ST18: variants seen among roughly 807,000 people sequenced by gnomAD.
The protein encoded by ST18 is ST18 C2H2C-type zinc finger transcription factor.
In ST18, 50 loss-of-function variants were observed where a neutral mutation model predicts 110.0. That is an observed-to-expected ratio of 0.45 (90% CI 0.36 to 0.58). The LOEUF is 0.58. Ranked by LOEUF, ST18 falls within the 20% of genes least tolerant of loss-of-function variation. The pLI, the probability that ST18 is intolerant of heterozygous loss-of-function variation, is 0.00. For missense variants in ST18, 1,306 were observed against 1,280.1 expected, an observed-to-expected ratio of 1.02 and a Z score of -0.31; for synonymous variants, 461 against 452.4, an observed-to-expected ratio of 1.02 and a Z score of -0.24.
intron 2 of ST18, among the ~76,000 whole-genome samples, chr8:52,380,554 C>G (rs1834133639): frequency 6.6e-6 from 1 of 152,106 alleles, no homozygotes; most frequent in African/African-American, 2.4e-5. Flanking sequence ...TCTGTCTCCT[C>G]TCCCTAGCAC....
chr8:52,119,695 C>A (rs1169016469), intron 23 of ST18, among the ~76,000 whole-genome samples: 1 of 152,066 alleles, frequency 6.6e-6, no homozygotes, highest in Non-Finnish European at 1.5e-5. Flanking sequence ...GAAAGGAAAC[C>A]ACATGCCCAC....
At chr8:52,274,999 C>T (rs765842906) in intron 2 of ST18, among the ~76,000 whole-genome samples, 1 of 152,152 alleles carries the variant, frequency 6.6e-6, no homozygotes, top group African/African-American at 2.4e-5. Flanking sequence ...AGCTTTGTGA[C>T]ATTTTAATTC....
At chr8:52,123,669 T>C (rs1032100284) in intron 23 of ST18, among the ~76,000 whole-genome samples, 5 of 152,258 alleles carry the variant, frequency 3.3e-5, no homozygotes, top group African/African-American at 1.2e-4. Context: ...AGCTCGCTGC[T>C]GCTCTATATT....
At chr8:52,379,409 T>C (rs1313089012) in intron 2 of ST18, among the ~76,000 whole-genome samples, 1 of 152,144 alleles carries the variant, frequency 6.6e-6, no homozygotes, top group African/African-American at 2.4e-5. Context: ...ATAAAATCTA[T>C]TTCTAAGACT....
chr8:52,313,647 GC>G (rs771376223), intron 2 of ST18: 6 of 152,462 alleles, frequency 3.9e-5, no homozygotes, highest in Non-Finnish European at 5.9e-5. Flanking sequence ...ATACAGTGCA[GC>G]CACCCTTGCC....
Position 52,387,551 on chromosome 8 carries a change from G to A in ST18, c.-465+21777C>T, listed in dbSNP as rs558123097. On this transcript the variant is annotated intron_variant, in intron 2 of 25. Coordinates refer to ENST00000689386, the MANE Select transcript of ST18 (RefSeq NM_001352837.2). ...AGACAGTGCTGTTTTTTATAGGTCAGGCTTATTTTGTGGAGAAGATTGCTT... is the reference window on the plus strand; with the variant it reads ...AGACAGTGCTGTTTTTTATAGGTCAAGCTTATTTTGTGGAGAAGATTGCTT... 5.7e-4 allele frequency among the ~76,000 whole-genome samples: 86 copies of A among 152,022 alleles called. 1 individual carries two copies. Among genetic ancestry groups the A allele is most frequent in the African/African-American group, 2.0e-3 (84 of 41,442 alleles).
chr8:52,207,798 A>G (rs551961762), intron 8 of ST18, among the ~76,000 whole-genome samples: 20 of 152,342 alleles, frequency 1.3e-4, no homozygotes, highest in East Asian at 5.8e-4. Flanking sequence ...TTCAGGGGCT[A>G]GAATATATTT....
chr8:52,397,142 T>C lies in ST18; in HGVS notation c.-465+12186A>G, dbSNP rs553912640. ...CCTTTTCTCCACACCCTTACCAACA[T>C]TTATCTCTGTCTTTTTGATAATAAT... On this transcript the variant is annotated intron_variant, in intron 2 of 25. Transcript: ENST00000689386. Among the ~76,000 whole-genome samples the C allele has an allele frequency of 4.6e-5, 7 of 152,326 alleles. No individual in the cohort carries two copies. In the East Asian group the frequency reaches 1.4e-3, roughly 29 times the overall value.
At chr8:52,283,298 A>T (rs1260719726) in intron 2 of ST18, among the ~76,000 whole-genome samples, 1 of 152,116 alleles carries the variant, frequency 6.6e-6, no homozygotes, top group African/African-American at 2.4e-5. Context: ...TGAAATGGAG[A>T]TGCTGAGAAG....
chr8:52,153,587 A>C (rs2059323154), intron 15 of ST18, among the ~76,000 whole-genome samples: 1 of 152,238 alleles, frequency 6.6e-6, no homozygotes. Context: ...CTCAAAATAA[A>C]TAGAGGAGAA....
chr8:52,261,763 A>G (rs1205581424), intron 2 of ST18, among the ~76,000 whole-genome samples: 4 of 152,096 alleles, frequency 2.6e-5, no homozygotes, highest in Non-Finnish European at 4.4e-5. Flanking sequence ...TTCATCCTCC[A>G]TTATCTGGGC....
At chr8:52,198,004 C>T (rs1564005175) in intron 8 of ST18, among the ~76,000 whole-genome samples, 1 of 151,680 alleles carries the variant, frequency 6.6e-6, no homozygotes, top group African/African-American at 2.4e-5. Context: ...GACCATGTGG[C>T]TGTTTTATTT....
intron 23 of ST18, among the ~76,000 whole-genome samples, chr8:52,120,328 G>T (rs2044197972): frequency 6.6e-6 from 1 of 152,074 alleles, no homozygotes; most frequent in African/African-American, 2.4e-5. Flanking sequence ...TTTCTTTTCT[G>T]TCTTTTTATA....
At chr8:52,136,487 G>C in intron 19 of ST18, 103 bp downstream of exon 19, 1 of 1,153,300 alleles carries the variant, frequency 8.7e-7, no homozygotes, top group Non-Finnish European at 1.3e-6. Flanking sequence ...TGGCAGGCAG[G>C]ACATACTGCT....
chr8:52,219,399 C>A (rs1393192087), intron 5 of ST18, among the ~76,000 whole-genome samples: 1 of 152,148 alleles, frequency 6.6e-6, no homozygotes, highest in East Asian at 1.9e-4. Flanking sequence ...AAACTAAACT[C>A]TAACAAAACC....
intron 2 of ST18, among the ~76,000 whole-genome samples, chr8:52,394,109 T>A (rs1246625867): frequency 6.6e-6 from 1 of 152,080 alleles, no homozygotes; most frequent in East Asian, 1.9e-4. Flanking sequence ...TCTACCAGAA[T>A]GTCACACAGG....
chr8:52,307,950 A>G (rs1396373335), intron 2 of ST18, among the ~76,000 whole-genome samples: 3 of 152,246 alleles, frequency 2.0e-5, no homozygotes, highest in Non-Finnish European at 4.4e-5. Flanking sequence ...AAGCAAATAG[A>G]CACTTGGGTA....
intron 2 of ST18, among the ~76,000 whole-genome samples, chr8:52,383,292 G>A (rs1451844462): frequency 6.6e-6 from 1 of 152,102 alleles, no homozygotes; most frequent in East Asian, 1.9e-4. Context: ...TGTTTTCCTT[G>A]CTCTTTCTCC....
At chr8:52,322,466 T>G (rs1459407967) in intron 2 of ST18, among the ~76,000 whole-genome samples, 2 of 152,232 alleles carry the variant, frequency 1.3e-5, no homozygotes, top group Non-Finnish European at 2.9e-5. Context: ...TCTGACCGAC[T>G]TGTTTACATC....
Sources: gnomAD v4.1 joint callset for allele counts (sites outside exome capture counted in the v4.1 genomes callset) on GRCh38, gnomAD v4.1.1 for gene constraint, MANE v1.5 for transcripts, NCBI Gene and HGNC (gene_info 2026-07-23, HGNC 2026-07-21) for gene names.